The following CDHR2 variants were observed in gnomAD, a reference collection of about 807,000 sequenced individuals.
The protein encoded by CDHR2 is cadherin related family member 2.
In CDHR2, 104 loss-of-function variants were observed where a neutral mutation model predicts 138.6. That is an observed-to-expected ratio of 0.75 (90% CI 0.64 to 0.88). The LOEUF is 0.88. CDHR2 is among the 40% of genes least tolerant of loss of function. The pLI is 0.00. For missense variants in CDHR2, 1,624 were observed against 1,727.6 expected (o/e 0.94, Z 1.06); for synonymous variants, 755 against 742.8 (o/e 1.02, Z -0.27).
intron 1 of CDHR2, among the ~76,000 whole-genome samples, chr5:176,560,624 G>A (rs114649577): frequency 0.018 from 2,799 of 152,262 alleles, 45 homozygotes; most frequent in Non-Finnish European, 0.027. Flanking sequence ...GGTACTTTGC[G>A]TACTCGTCTG....
intron 1 of CDHR2, among the ~76,000 whole-genome samples, chr5:176,561,919 C>T (rs1757976218): frequency 1.3e-5 from 2 of 152,184 alleles, no homozygotes; most frequent in Non-Finnish European, 2.9e-5. Flanking sequence ...GGATTACAGG[C>T]ATGAGCCACC....
intron 1 of CDHR2, among the ~76,000 whole-genome samples, chr5:176,555,246 T>C (rs2113257467): frequency 6.6e-6 from 1 of 152,326 alleles, no homozygotes; most frequent in African/African-American, 2.4e-5. Context: ...TTTTGAAGCT[T>C]TGGGGTCCAC....
chr5:176,589,293 G>A, intron 22 of CDHR2, 37 bp from the exon 23 acceptor site: 1 of 1,569,952 alleles, frequency 6.4e-7, no homozygotes, highest in Middle Eastern at 1.7e-4. Context: ...ATTCAGCTTG[G>A]GTTCCAAGAC....
chr5:176,546,384 C>T (rs1757585339), upstream of CDHR2, among the ~76,000 whole-genome samples: 2 of 152,060 alleles, frequency 1.3e-5, no homozygotes, highest in Admixed American at 6.5e-5. Flanking sequence ...ATGCAATAGT[C>T]ACCACCATGC....
chr5:176,573,438 G>C (rs950952743), intron 6 of CDHR2, among the ~76,000 whole-genome samples: 1 of 151,776 alleles, frequency 6.6e-6, no homozygotes, highest in South Asian at 2.1e-4. Flanking sequence ...TCAGGAGTTC[G>C]ACACCAGCCT....
upstream of CDHR2, among the ~76,000 whole-genome samples, chr5:176,549,110 T>C (rs1412034467): frequency 6.6e-6 from 1 of 152,118 alleles, no homozygotes; most frequent in Non-Finnish European, 1.5e-5. Flanking sequence ...TGTTCCCAGG[T>C]CCTCTGGGCT....
Position 176,578,586 on chromosome 5 carries a change from G to A in CDHR2, c.1796G>A (p.Gly599Asp), listed in dbSNP as rs1270069827. 6.2e-7 allele frequency: 1 copy of A among 1,612,488 alleles called. No individual in the cohort carries two copies. ...AACATCTTCGTCCAGGAGGAGGAGG[G>A]CAATGTCTCCGTGACCATCCAGGTG... is the stretch of plus-strand genomic sequence containing the variant. The part of the protein sequence containing the change: ...SYNIFVQEEE[G>D]NVSVTIQAHD... The change falls in exon 16 of 32, where the codon GGC becomes GAC. Residue 599 changes from glycine to aspartate, a missense_variant. Physicochemically the swap from Gly to Asp is moderately conservative, Grantham distance 94. Transcript: ENST00000261944.
At chr5:176,587,739 G>T (rs1040871296) in intron 21 of CDHR2, among the ~76,000 whole-genome samples, 6 of 152,158 alleles carry the variant, frequency 3.9e-5, no homozygotes, top group Non-Finnish European at 7.3e-5. Flanking sequence ...TACAAGAGAT[G>T]GACAGGGCTG....
At position 176,578,564 on chromosome 5, in the gene CDHR2, A is replaced by G; in HGVS notation, c.1774A>G (p.Ile592Val). The G allele has an allele frequency of 6.2e-7, 1 of 1,613,690 alleles. No homozygotes were observed. Among genetic ancestry groups the G allele is most frequent in the East Asian group, 2.2e-5 (1 of 44,874 alleles). Residue 592 changes from isoleucine (I) to valine (V), a missense_variant, in exon 16 of 32, where the codon ATC (isoleucine) becomes GTC (valine). Ile to Val is a conservative substitution (Grantham distance 29). Transcript: ENST00000261944. ...NAPVVSGSYN[I>V]FVQEEEGNVS... ...ACCCGTGGTTAGCGGCTCCTACAAC[A>G]TCTTCGTCCAGGAGGAGGAGGGCAA...
At chr5:176,565,433 G>T in intron 2 of CDHR2, 29 bp downstream of exon 2, 5 of 1,608,540 alleles carry the variant, frequency 3.1e-6, no homozygotes, top group Non-Finnish European at 4.3e-6. Flanking sequence ...CAGCCACGCA[G>T]CCCTAACCTA....
chr5:176,588,575 G>A (rs568927383), intron 21 of CDHR2, among the ~76,000 whole-genome samples: 6 of 136,900 alleles, frequency 4.4e-5, no homozygotes, highest in Admixed American at 7.0e-5. Context: ...GTGTGTGAGA[G>A]TGTGTGTGAG....
At chr5:176,546,109 C>T (rs1245935838), upstream of CDHR2, among the ~76,000 whole-genome samples, 1 of 152,192 alleles carries the variant, frequency 6.6e-6, no homozygotes, top group African/African-American at 2.4e-5. Context: ...AGCCTGGAGC[C>T]TTGGGTGGGG....
chr5:176,575,143 A>T lies in CDHR2; in HGVS notation c.555A>T (p.Ile185=). Residue 185 remains isoleucine (I), a synonymous_variant, in exon 8 of 32, where the codon ATA becomes ATT. Transcript: ENST00000261944. The stretch of plus-strand genomic sequence containing the variant: ...TCCGGATCCTGGCCAATGGCTCCAT[A>T]GTCCTCAATGGCAGCCTCAGCTACA... ...HLFRILANGS[I]VLNGSLSYNN... 9 of 1,614,088 alleles carry T rather than the reference A, an allele frequency of 5.6e-6. No homozygotes were observed. Among genetic ancestry groups the T allele is most frequent in the South Asian group, 1.1e-5 (1 of 91,088 alleles).
chr5:176,577,851 T>C lies in CDHR2; in HGVS notation c.1512+53T>C. 2.6e-6 allele frequency: 4 copies of C among 1,538,270 alleles called. No individual in the cohort carries two copies. The South Asian group carries it at 4.6e-5, about 18-fold the overall frequency. ...TGGGGTCCCAGCAAGCGGGCGTGCA[T>C]GTGTGAGTGTGAGAGTGTGTGTGTG... On this transcript the variant is annotated intron_variant, in intron 14 of 31. Coordinates refer to ENST00000261944, the MANE Select transcript of CDHR2 (RefSeq NM_017675.6).
chr5:176,572,158 C>T (rs905237157), intron 6 of CDHR2, among the ~76,000 whole-genome samples: 45 of 149,696 alleles, frequency 3.0e-4, no homozygotes, highest in African/African-American at 1.1e-3. Flanking sequence ...CTGAGGTGGG[C>T]GGATCACCTG....
chr5:176,583,456 CA>C (rs1758572659), intron 17 of CDHR2, among the ~76,000 whole-genome samples: 1 of 152,212 alleles, frequency 6.6e-6, no homozygotes, highest in Non-Finnish European at 1.5e-5. Context: ...TTCAGAAAAA[CA>C]AACACCTGTT....
chr5:176,555,913 A>G lies in CDHR2; in HGVS notation c.-16+6499A>G, dbSNP rs1435872305. 3.3e-5 allele frequency among the ~76,000 whole-genome samples: 5 copies of G among 151,680 alleles called. No individual in the cohort carries two copies. The East Asian group carries it at 9.6e-4, about 29-fold the overall frequency. ...AAGACTCCATCTCAAAACAAACAAA[A>G]AAAACCCCCTCTGAAATGACCTACT... is the stretch of plus-strand genomic sequence containing the variant. On this transcript the variant is annotated intron_variant, in intron 1 of 31. Transcript: ENST00000261944.
rs1161829834 is a variant in CDHR2, at chr5:176,595,398, C to T, written c.3793-134C>T. ...CTGGGACACAGCCTGGACCAGAGGC[C>T]CCAGGAGGGGCAGGGTGGGACCCCT... On this transcript the variant is annotated intron_variant, in intron 31 of 31. Transcript: ENST00000261944. The T allele has an allele frequency of 1.9e-5, 19 of 992,876 alleles. 1 individual carries two copies. The highest frequency in any genetic ancestry group is 1.9e-5 in the Non-Finnish European group (13 of 699,488). The allele number at this position is 992,876 out of a possible 1,614,324, so 61.5% of individuals were successfully genotyped here. A position where few individuals can be genotyped will look rare whatever the true frequency, so the allele number is the denominator to read the frequency against.
chr5:176,575,195 G>C lies in CDHR2; in HGVS notation c.607G>C (p.Glu203Gln), dbSNP rs755265636. 2 of 1,614,208 alleles carry C rather than the reference G, an allele frequency of 1.2e-6. No homozygotes were observed. Among genetic ancestry groups the C allele is most frequent in the South Asian group, 2.2e-5 (2 of 91,090 alleles). Residue 203 changes from glutamate to glutamine, a missense_variant, in exon 8 of 32, where the codon GAG becomes CAG. Glu to Gln is a conservative substitution (Grantham distance 29). Around this residue, in one of 3 missense-constraint regions of CDHR2, gnomAD observed 1,061 missense variants for 1,136.6 expected, o/e 0.93. Transcript: ENST00000261944. ...CAACAAGAGCGCTTTCTACCAGCTG[G>C]AGCTGAAGGCCTGTGTGAGTGGGGG... is the stretch of plus-strand genomic sequence containing the variant. ...YNNKSAFYQL[E>Q]LKACDLGGMY...
Sources: allele counts gnomAD v4.1 joint callset (sites outside exome capture counted in the v4.1 genomes callset), GRCh38; gene constraint gnomAD v4.1.1; regional missense constraint gnomAD v4.1.1; transcripts MANE v1.5; gene names NCBI Gene and HGNC (gene_info 2026-07-23, HGNC 2026-07-21).